The following PDE4D variants were observed in gnomAD, a reference collection of about 807,000 sequenced individuals.
PDE4D encodes 3',5'-cyclic-AMP phosphodiesterase 4D.
A neutral mutation model predicts 87.4 loss-of-function variants in PDE4D; 24 were observed. That is an observed-to-expected ratio of 0.27 (90% CI 0.20 to 0.39). PDE4D has a LOEUF of 0.39. Among genes scored for constraint, PDE4D ranks in the 10% least tolerant of loss-of-function variants. The pLI is 1.00. For missense variants in PDE4D, 714 were observed against 1,041.0 expected (o/e 0.69, Z 4.32); for synonymous variants, 384 against 383.2 (o/e 1.00, Z -0.02).
chr5:59,464,005 G>A (rs1246453201), intron 1 of PDE4D, among the ~76,000 whole-genome samples: 1 of 152,208 alleles, frequency 6.6e-6, no homozygotes, highest in Non-Finnish European at 1.5e-5. Context: ...TTGTTAAACA[G>A]ATGCTTGAAG....
intron 1 of PDE4D, among the ~76,000 whole-genome samples, chr5:60,364,551 T>C (rs1173903928): frequency 6.6e-6 from 1 of 152,230 alleles, no homozygotes; most frequent in Non-Finnish European, 1.5e-5. Flanking sequence ...CTGATCTTAA[T>C]AGTCTTTGAT....
intron 1 of PDE4D, among the ~76,000 whole-genome samples, chr5:59,733,096 T>A (rs1361254149): frequency 6.6e-6 from 1 of 152,124 alleles, no homozygotes; most frequent in Non-Finnish European, 1.5e-5. Flanking sequence ...GGCAAATCCC[T>A]TAAGGAGAAA....
chr5:60,271,144 G>A (rs1750768502), intron 1 of PDE4D, among the ~76,000 whole-genome samples: 1 of 152,096 alleles, frequency 6.6e-6, no homozygotes, highest in Non-Finnish European at 1.5e-5. Context: ...GGTACTAGGT[G>A]CTGATGATAC....
chr5:59,326,540 GA>G (rs1011462607), intron 1 of PDE4D, among the ~76,000 whole-genome samples: 1 of 151,776 alleles, frequency 6.6e-6, no homozygotes, highest in Non-Finnish European at 1.5e-5. Context: ...GACTTAGTAT[GA>G]AAAAAATAAT....
intron 1 of PDE4D, among the ~76,000 whole-genome samples, chr5:59,458,271 G>C (rs1800223609): frequency 6.6e-6 from 1 of 152,188 alleles, no homozygotes; most frequent in South Asian, 2.1e-4. Flanking sequence ...TGTATTACCA[G>C]AACTTGGGAC....
intron 2 of PDE4D, among the ~76,000 whole-genome samples, chr5:60,146,120 A>G (rs1368967910): frequency 2.0e-5 from 3 of 152,200 alleles, no homozygotes; most frequent in African/African-American, 7.2e-5. Flanking sequence ...AGGCTGAGAC[A>G]TGAGAATCGC....
At chr5:59,975,096 T>C (rs1237267167) in intron 3 of PDE4D, among the ~76,000 whole-genome samples, 1 of 152,192 alleles carries the variant, frequency 6.6e-6, no homozygotes, top group Non-Finnish European at 1.5e-5. Context: ...AACTTCTCGT[T>C]TGACATCTAT....
intron 1 of PDE4D, among the ~76,000 whole-genome samples, chr5:60,513,446 T>C (rs1391924006): frequency 6.6e-6 from 1 of 152,020 alleles, no homozygotes; most frequent in African/African-American, 2.4e-5. Context: ...AAAGCAAAAA[T>C]GAACAGAATT....
chr5:59,460,956 C>A (rs1800687386), intron 1 of PDE4D, among the ~76,000 whole-genome samples: 1 of 152,148 alleles, frequency 6.6e-6, no homozygotes, highest in Non-Finnish European at 1.5e-5. Context: ...TGTTGCAGCA[C>A]ATGTGCTCTG....
intron 1 of PDE4D, among the ~76,000 whole-genome samples, chr5:59,818,695 T>A (rs1769272759): frequency 6.6e-6 from 1 of 152,154 alleles, no homozygotes; most frequent in Non-Finnish European, 1.5e-5. Context: ...AAAGGCTTTC[T>A]CCTGATGGAT....
intron 1 of PDE4D, among the ~76,000 whole-genome samples, chr5:60,430,531 TTTTGTTTTTTTTTG>T (rs1178845696): frequency 1.7e-5 from 2 of 116,136 alleles, no homozygotes; most frequent in East Asian, 6.1e-4. Flanking sequence ...TTTGTTTGTG[TTTTGTTTTTTTTTG>T]TTTGTTTTTT....
chr5:59,398,746 G>A (rs1285306632), intron 1 of PDE4D, among the ~76,000 whole-genome samples: 1 of 117,994 alleles, frequency 8.5e-6, no homozygotes, highest in Non-Finnish European at 1.8e-5. Context: ...TTAGGCAGGA[G>A]AAGGAAATAA....
chr5:59,703,184 T>G (rs1367264115), intron 1 of PDE4D, among the ~76,000 whole-genome samples: 1 of 152,152 alleles, frequency 6.6e-6, no homozygotes, highest in Non-Finnish European at 1.5e-5. Context: ...AATAATCACT[T>G]AAAAGTCTGC....
At chr5:60,450,317 C>A (rs556822285) in intron 1 of PDE4D, among the ~76,000 whole-genome samples, 1 of 152,042 alleles carries the variant, frequency 6.6e-6, no homozygotes, top group African/African-American at 2.4e-5. Context: ...ATTTCACTAT[C>A]TTCTAGGTAT....
chr5:59,543,257 C>T (rs1816675337), intron 1 of PDE4D, among the ~76,000 whole-genome samples: 1 of 152,098 alleles, frequency 6.6e-6, no homozygotes, highest in South Asian at 2.1e-4. Context: ...ATTACACTAT[C>T]TGAATTTTTT....
chr5:59,974,360 TA>T (rs1761088576), intron 3 of PDE4D, among the ~76,000 whole-genome samples: 1 of 152,186 alleles, frequency 6.6e-6, no homozygotes, highest in African/African-American at 2.4e-5. Flanking sequence ...GAGTTAGATA[TA>T]AAAATTATTT....
intron 1 of PDE4D, among the ~76,000 whole-genome samples, chr5:60,236,247 T>G (rs569585738): frequency 6.6e-6 from 1 of 151,918 alleles, no homozygotes; most frequent in Non-Finnish European, 1.5e-5. Flanking sequence ...TGAATTGGAC[T>G]TCATCAAAAT....
chr5:59,362,914 T>C (rs557052467), intron 1 of PDE4D, among the ~76,000 whole-genome samples: 2 of 152,322 alleles, frequency 1.3e-5, no homozygotes, highest in East Asian at 1.9e-4. Context: ...GACTGTTCAA[T>C]ATCTTGCTAA....
chr5:59,539,488 T>C lies in PDE4D; in HGVS notation c.456-323520A>G, dbSNP rs375173349. On this transcript the variant is annotated intron_variant, in intron 1 of 14. Coordinates refer to ENST00000340635, the MANE Select transcript of PDE4D (RefSeq NM_001104631.2). ...CCATTACTTAAGAAGAGAGTTAAAT[T>C]ACTAATATCTGTCTACCCATTTCTC... is the stretch of plus-strand genomic sequence containing the variant. Among the ~76,000 whole-genome samples the C allele has an allele frequency of 1.4e-3, 207 of 152,310 alleles. 1 individual carries two copies. Among genetic ancestry groups the C allele is most frequent in the African/African-American group, 4.7e-3 (196 of 41,576 alleles).
Sources: allele counts gnomAD v4.1 joint callset (sites outside exome capture counted in the v4.1 genomes callset), GRCh38; gene constraint gnomAD v4.1.1; transcripts MANE v1.5; gene names NCBI Gene and HGNC (gene_info 2026-07-23, HGNC 2026-07-21).